EVA1C: variants seen among roughly 807,000 people sequenced by gnomAD.
EVA1C encodes the protein protein eva-1 homolog C.
EVA1C carries 25 observed loss-of-function variants against 45.4 expected under a neutral mutation model. That is an observed-to-expected ratio of 0.55 (90% CI 0.40 to 0.77). The LOEUF is 0.77. Among genes scored for constraint, EVA1C ranks in the 30% least tolerant of loss-of-function variants. The pLI is 0.00. For synonymous variants in EVA1C, 190 were observed against 221.2 expected (o/e 0.86, Z 1.25); for missense variants, 479 against 554.8 (o/e 0.86, Z 1.37).
intron 3 of EVA1C, among the ~76,000 whole-genome samples, chr21:32,461,941 A>T (rs888218636): frequency 7.9e-5 from 12 of 151,986 alleles, no homozygotes; most frequent in African/African-American, 2.9e-4. Flanking sequence ...TCTAGGACTC[A>T]GTTGTAACAT....
intron 4 of EVA1C, among the ~76,000 whole-genome samples, chr21:32,492,789 AC>A: frequency 6.6e-6 from 1 of 151,258 alleles, no homozygotes; most frequent in South Asian, 2.1e-4. Flanking sequence ...CAGTAGCACC[AC>A]TGTTTCCCCA....
rs1399425891 is a variant in EVA1C, at chr21:32,507,929, ATGTG to A, written c.949+3916_949+3919del. ...TCTGTGTGTGTGCGTGTGTGCCTGT[ATGTG>A]TATCTGTATGTGTGTTTGTGTGTGT... On this transcript the variant is annotated intron_variant, in intron 7 of 7. Coordinates refer to ENST00000300255, the MANE Select transcript of EVA1C (RefSeq NM_058187.5). Among the ~76,000 whole-genome samples, 3 of 132,972 alleles carry A rather than the reference ATGTG, an allele frequency of 2.3e-5. 1 individual carries two copies. Among genetic ancestry groups the A allele is most frequent in the Middle Eastern group, 3.7e-3 (1 of 272 alleles). The allele number at this position is 132,972 out of a possible 152,430, so 87.2% of individuals were successfully genotyped here. A position where few individuals can be genotyped will look rare whatever the true frequency, so the allele number is the denominator to read the frequency against.
At chr21:32,472,229 G>A (rs1438768911) in intron 4 of EVA1C, among the ~76,000 whole-genome samples, 6 of 152,138 alleles carry the variant, frequency 3.9e-5, no homozygotes, top group African/African-American at 7.2e-5. Context: ...TGTGATCTCC[G>A]TTTACTGTAA....
At chr21:32,476,643 A>AAAT (rs908815595) in intron 4 of EVA1C, among the ~76,000 whole-genome samples, 75 of 151,868 alleles carry the variant, frequency 4.9e-4, no homozygotes, top group East Asian at 4.1e-3. Flanking sequence ...CTCCGTCTCA[A>AAAT]AATAATAATA....
chr21:32,485,908 G>T (rs2036957011), intron 4 of EVA1C, among the ~76,000 whole-genome samples: 1 of 152,200 alleles, frequency 6.6e-6, no homozygotes, highest in Non-Finnish European at 1.5e-5. Flanking sequence ...TCATATCACA[G>T]TCCAGTGAGG....
rs1249936836 is a variant in EVA1C at position 32,453,106 on chromosome 21, T to C, written c.161-206T>C. ...AGCACTCCCCTGCCCCCCTTCCATGTCAACATGAAAGCTGACATTGGCTCC... is the reference window on the plus strand; with the variant it reads ...AGCACTCCCCTGCCCCCCTTCCATGCCAACATGAAAGCTGACATTGGCTCC... On this transcript the variant is annotated intron_variant, in intron 1 of 7. Transcript: ENST00000300255. The C allele has an allele frequency of 3.6e-5, 18 of 494,812 alleles. No homozygotes were observed. The East Asian group carries it at 5.3e-4, about 15-fold the overall frequency. 30.7% of individuals were successfully genotyped at this position (494,812 alleles called of 1,614,324 possible).
At chr21:32,460,831 T>G (rs2035970940) in intron 3 of EVA1C, among the ~76,000 whole-genome samples, 1 of 151,876 alleles carries the variant, frequency 6.6e-6, no homozygotes, top group South Asian at 2.1e-4. Flanking sequence ...CTGCAACCTC[T>G]GCCTCCCGGT....
At chr21:32,476,220 T>A (rs2036558995) in intron 4 of EVA1C, among the ~76,000 whole-genome samples, 1 of 152,136 alleles carries the variant, frequency 6.6e-6, no homozygotes, top group Non-Finnish European at 1.5e-5. Flanking sequence ...ACCCTTGACA[T>A]GCTTTTTCTG....
chr21:32,468,809 G>C (rs1218072404), intron 4 of EVA1C, among the ~76,000 whole-genome samples: 1 of 152,070 alleles, frequency 6.6e-6, no homozygotes, highest in Non-Finnish European at 1.5e-5. Context: ...AATCTCTTTT[G>C]GCAACACCCT....
intron 1 of EVA1C, chr21:32,428,812 C>A (rs1007764883): frequency 1.3e-5 from 2 of 152,166 alleles, no homozygotes; most frequent in African/African-American, 4.8e-5. Flanking sequence ...TTGTAAATTA[C>A]TATAATGATC....
At position 32,481,153 on chromosome 21, in the gene EVA1C, G is replaced by A. The variant is rs537008484; in HGVS notation, c.634+13305G>A. ...CTCTGTACTTCTAAAATGTGAACAT[G>A]TATTTACTTTGTAACAGGAAAAAAC... On this transcript the variant is annotated intron_variant, in intron 4 of 7. Coordinates refer to ENST00000300255, the MANE Select transcript of EVA1C (RefSeq NM_058187.5). 7.5e-4 allele frequency among the ~76,000 whole-genome samples: 114 copies of A among 152,124 alleles called. No individual in the cohort carries two copies. In the Middle Eastern group the frequency reaches 0.01, roughly 14 times the overall value.
intron 5 of EVA1C, 134 bp from the exon 6 acceptor site, chr21:32,501,281 G>GAA: frequency 2.7e-6 from 2 of 727,540 alleles, no homozygotes; most frequent in South Asian, 3.8e-5. Flanking sequence ...TATTTAACAG[G>GAA]AAGAGTGAGT....
intron 5 of EVA1C, among the ~76,000 whole-genome samples, chr21:32,495,637 A>C (rs957483396): frequency 6.6e-6 from 1 of 152,222 alleles, no homozygotes; most frequent in African/African-American, 2.4e-5. Flanking sequence ...CACAGTGTTG[A>C]GTCAACAGAT....
At chr21:32,459,526 G>A (rs768575892) in intron 3 of EVA1C, among the ~76,000 whole-genome samples, 7 of 152,058 alleles carry the variant, frequency 4.6e-5, no homozygotes, top group African/African-American at 9.7e-5. Flanking sequence ...CTCCTTCCAT[G>A]GTGTAAAATA....
intron 2 of EVA1C, among the ~76,000 whole-genome samples, chr21:32,454,471 A>C (rs2035705759): frequency 6.6e-6 from 1 of 152,266 alleles, no homozygotes; most frequent in Admixed American, 6.5e-5. Context: ...GGAGAAGGTC[A>C]AACTAATATT....
intron 1 of EVA1C, among the ~76,000 whole-genome samples, chr21:32,442,683 G>A (rs566308597): frequency 8.1e-5 from 12 of 148,712 alleles, no homozygotes; most frequent in East Asian, 4.0e-4. Context: ...AAAAAAAAGC[G>A]GGTGGGAGGG....
intron 1 of EVA1C, among the ~76,000 whole-genome samples, chr21:32,417,712 G>A (rs1445031430): frequency 2.0e-5 from 3 of 152,150 alleles, no homozygotes; most frequent in African/African-American, 7.2e-5. Context: ...ACTCAGTATT[G>A]ATGGACACAG....
intron 7 of EVA1C, among the ~76,000 whole-genome samples, chr21:32,507,570 G>T (rs1290249518): frequency 1.3e-5 from 2 of 151,966 alleles, no homozygotes; most frequent in African/African-American, 4.8e-5. Context: ...TTTTGTGTGT[G>T]CATGTGTATA....
intron 4 of EVA1C, among the ~76,000 whole-genome samples, chr21:32,485,991 C>T (rs950812053): frequency 3.3e-5 from 5 of 152,172 alleles, no homozygotes; most frequent in Non-Finnish European, 5.9e-5. Flanking sequence ...TGTAAGGTTT[C>T]GGCATAAACA....
Sources: allele counts gnomAD v4.1 joint callset (sites outside exome capture counted in the v4.1 genomes callset), GRCh38; gene constraint gnomAD v4.1.1; transcripts MANE v1.5; gene names NCBI Gene and HGNC (gene_info 2026-07-23, HGNC 2026-07-21).